CFAP210: variants seen among roughly 807,000 people sequenced by gnomAD.
The protein encoded by CFAP210 is cilia- and flagella- associated protein 210.
chr2:169,665,129 A>T, the CFAP210 span, among the ~76,000 whole-genome samples: 2 of 152,204 alleles, frequency 1.3e-5, no homozygotes, highest in East Asian at 3.8e-4. Context: ...CACTTGTGCC[A>T]AAAGAGGAGG....
the CFAP210 span, among the ~76,000 whole-genome samples, chr2:169,684,350 A>C: frequency 1.3e-5 from 2 of 152,220 alleles, no homozygotes; most frequent in Admixed American, 1.3e-4. Context: ...GCCACTGTAA[A>C]CAGTAGCATT....
At chr2:169,687,685 G>C in the CFAP210 span, among the ~76,000 whole-genome samples, 245 of 152,336 alleles carry the variant, frequency 1.6e-3, no homozygotes, top group African/African-American at 5.6e-3. Context: ...AGTGTCTGCG[G>C]CTTTTCCAGG....
At chr2:169,651,779 A>G in the CFAP210 span, among the ~76,000 whole-genome samples, 5 of 152,188 alleles carry the variant, frequency 3.3e-5, no homozygotes, top group African/African-American at 1.2e-4. Context: ...TCAAAATCCT[A>G]AATATCCATC....
the CFAP210 span, among the ~76,000 whole-genome samples, chr2:169,667,237 C>T: frequency 0.41 from 61,422 of 150,668 alleles, 12,773 homozygotes; most frequent in Non-Finnish European, 0.44. Context: ...CCCCCGGGTT[C>T]AAGAGATTCT....
At chr2:169,651,832 T>A in the CFAP210 span, among the ~76,000 whole-genome samples, 21 of 152,184 alleles carry the variant, frequency 1.4e-4, no homozygotes, top group African/African-American at 3.6e-4. Flanking sequence ...AGCACTTTTT[T>A]AACTTGATCT....
At chr2:169,668,570 G>A in the CFAP210 span, among the ~76,000 whole-genome samples, 1 of 152,116 alleles carries the variant, frequency 6.6e-6, no homozygotes, top group Non-Finnish European at 1.5e-5. Flanking sequence ...TGAGAGACGT[G>A]CAACTCTTCC....
the CFAP210 span, chr2:169,649,258 C>T: frequency 1.1e-5 from 17 of 1,613,838 alleles, no homozygotes; most frequent in Non-Finnish European, 1.4e-5. Context: ...TTCATGTTCC[C>T]AGAAAATCTG....
the CFAP210 span, among the ~76,000 whole-genome samples, chr2:169,690,336 TTA>T: frequency 6.6e-6 from 1 of 152,218 alleles, no homozygotes; most frequent in Non-Finnish European, 1.5e-5. Context: ...TTTGAAGGAT[TTA>T]TGTTAATATT....
At chr2:169,674,702 A>G in the CFAP210 span, 4 of 1,609,540 alleles carry the variant, frequency 2.5e-6, no homozygotes, top group Non-Finnish European at 3.4e-6. Flanking sequence ...ATCTGATTTT[A>G]TCTTACTCTT....
chr2:169,653,362 T>A, the CFAP210 span, among the ~76,000 whole-genome samples: 4 of 151,724 alleles, frequency 2.6e-5, no homozygotes, highest in South Asian at 4.2e-4. Flanking sequence ...GGGATAAGGC[T>A]GGGAGGGATG....
the CFAP210 span, among the ~76,000 whole-genome samples, chr2:169,676,413 C>G: frequency 1.3e-5 from 2 of 151,088 alleles, no homozygotes; most frequent in Non-Finnish European, 2.9e-5. Flanking sequence ...CTTTATGTAC[C>G]AGGGACGTTT....
chr2:169,680,901 T>C, the CFAP210 span: 1 of 873,930 alleles, frequency 1.1e-6, no homozygotes, highest in South Asian at 1.7e-5. Flanking sequence ...CGATGCATTT[T>C]TATGAAATTT....
At chr2:169,656,376 GA>G in the CFAP210 span, among the ~76,000 whole-genome samples, 3 of 151,158 alleles carry the variant, frequency 2.0e-5, no homozygotes, top group Non-Finnish European at 3.0e-5. Context: ...GAAGAAAGAG[GA>G]AAGAGGAGGA....
chr2:169,656,289 C>CA, the CFAP210 span, among the ~76,000 whole-genome samples: 2 of 147,512 alleles, frequency 1.4e-5, no homozygotes, highest in South Asian at 2.1e-4. Context: ...GACCCTGTCT[C>CA]AAAAAAAGAG....
chr2:169,689,815 G>A, the CFAP210 span, among the ~76,000 whole-genome samples: 1 of 152,208 alleles, frequency 6.6e-6, no homozygotes, highest in South Asian at 2.1e-4. Flanking sequence ...ATGGATGTTA[G>A]ATTTGTCAAA....
At chr2:169,657,382 G>T in the CFAP210 span, among the ~76,000 whole-genome samples, 1 of 152,034 alleles carries the variant, frequency 6.6e-6, no homozygotes, top group Non-Finnish European at 1.5e-5. Context: ...CAGAGATAAA[G>T]ACAGGACCCT....
At chr2:169,694,376 G>A in the CFAP210 span, 1 of 1,573,548 alleles carries the variant, frequency 6.4e-7, no homozygotes, top group African/African-American at 1.3e-5. Flanking sequence ...CGCCGCGGAC[G>A]CCAGCCGGTG....
At chr2:169,684,124 A>T in the CFAP210 span, among the ~76,000 whole-genome samples, 6 of 152,176 alleles carry the variant, frequency 3.9e-5, no homozygotes, top group African/African-American at 1.4e-4. Context: ...GAAGTTGAAG[A>T]AGGGCAGGCC....
the CFAP210 span, among the ~76,000 whole-genome samples, chr2:169,693,876 G>A: frequency 4.6e-5 from 7 of 152,124 alleles, no homozygotes; most frequent in African/African-American, 1.7e-4. Flanking sequence ...ATTTCCAAGA[G>A]ATATTCCAAT....
Sources: allele counts gnomAD v4.1 joint callset (sites outside exome capture counted in the v4.1 genomes callset), GRCh38; gene constraint gnomAD v4.1.1; transcripts MANE v1.5; gene names NCBI Gene and HGNC (gene_info 2026-07-23, HGNC 2026-07-21).